Variants in DIAPH3 observed in about 807,000 individuals in gnomAD.
DIAPH3 encodes the protein diaphanous related formin 3.
Under a neutral mutation model 144.3 loss-of-function variants are expected in DIAPH3, and 117 were observed. The observed-to-expected ratio is 0.81, with a 90% CI of 0.70 to 0.95. DIAPH3 has a LOEUF of 0.95. DIAPH3 is among the 40% of genes least tolerant of loss of function. DIAPH3 has a pLI of 0.00. For missense variants in DIAPH3, 1,421 were observed against 1,412.7 expected (o/e 1.01, Z -0.09); for synonymous variants, 519 against 488.9 (o/e 1.06, Z -0.81).
chr13:60,029,570 G>A (rs944757302), intron 5 of DIAPH3, among the ~76,000 whole-genome samples: 1 of 152,124 alleles, frequency 6.6e-6, no homozygotes, highest in Non-Finnish European at 1.5e-5. Context: ...TTTATAAGGG[G>A]AATTTGGCAT....
At chr13:60,036,320 A>T (rs2055208911) in intron 5 of DIAPH3, among the ~76,000 whole-genome samples, 1 of 152,224 alleles carries the variant, frequency 6.6e-6, no homozygotes, top group Non-Finnish European at 1.5e-5. Context: ...AGCACTGTCT[A>T]ATAGAATTGC....
intron 25 of DIAPH3, among the ~76,000 whole-genome samples, chr13:59,802,211 C>T (rs1302372646): frequency 6.6e-6 from 1 of 152,094 alleles, no homozygotes; most frequent in Non-Finnish European, 1.5e-5. Context: ...ATAAGCTGGG[C>T]TAAAAGGATA....
At chr13:59,725,346 G>A (rs1329218522) in intron 27 of DIAPH3, among the ~76,000 whole-genome samples, 1 of 152,086 alleles carries the variant, frequency 6.6e-6, no homozygotes, top group Non-Finnish European at 1.5e-5. Context: ...TTATTATCAA[G>A]AAGAAATAAT....
chr13:59,900,491 T>C (rs2046368783), intron 20 of DIAPH3, among the ~76,000 whole-genome samples: 1 of 152,148 alleles, frequency 6.6e-6, no homozygotes, highest in Non-Finnish European at 1.5e-5. Flanking sequence ...GTGTTATATA[T>C]AAAATCACCT....
intron 27 of DIAPH3, among the ~76,000 whole-genome samples, chr13:59,761,007 C>T (rs891159891): frequency 6.6e-6 from 1 of 152,142 alleles, no homozygotes; most frequent in African/African-American, 2.4e-5. Flanking sequence ...AAGCCAAATG[C>T]TGTCACATCA....
At chr13:60,042,132 T>A (rs562538836) in intron 5 of DIAPH3, among the ~76,000 whole-genome samples, 2 of 152,154 alleles carry the variant, frequency 1.3e-5, no homozygotes, top group Non-Finnish European at 2.9e-5. Flanking sequence ...AACTGACTTA[T>A]GGAAACACCT....
At chr13:59,780,953 C>T (rs2038704202) in intron 25 of DIAPH3, among the ~76,000 whole-genome samples, 1 of 152,086 alleles carries the variant, frequency 6.6e-6, no homozygotes, top group African/African-American at 2.4e-5. Context: ...GTAAAAAATA[C>T]TCATTCAGCA....
At chr13:59,813,853 T>C (rs1294161541) in intron 24 of DIAPH3, among the ~76,000 whole-genome samples, 1 of 139,910 alleles carries the variant, frequency 7.1e-6, no homozygotes, top group Non-Finnish European at 1.5e-5. Flanking sequence ...AGCAAGACTT[T>C]GTCTCAAAAA....
In DIAPH3 at chr13:59,777,297, T is replaced by C. The variant is rs111668425; in HGVS notation, c.3164-2474A>G. Among the ~76,000 whole-genome samples the C allele has an allele frequency of 1.2e-3, 188 of 152,226 alleles. 1 individual carries two copies. Among genetic ancestry groups the C allele is most frequent in the African/African-American group, 4.4e-3 (182 of 41,550 alleles). ...CAACTGAGTATCAAATAAATAATCA[T>C]GGGAATGGGATTATTGCACACTGAG... On this transcript the variant is annotated intron_variant, in intron 25 of 27. Coordinates refer to ENST00000400324, the MANE Select transcript of DIAPH3 (RefSeq NM_001042517.2).
chr13:59,872,436 G>A (rs1338641604), intron 21 of DIAPH3, among the ~76,000 whole-genome samples: 1 of 152,098 alleles, frequency 6.6e-6, no homozygotes, highest in Non-Finnish European at 1.5e-5. Flanking sequence ...TCTGGTGGTG[G>A]TGGATTCTGT....
chr13:59,834,333 A>C (rs1268110058), intron 23 of DIAPH3, among the ~76,000 whole-genome samples: 2 of 151,798 alleles, frequency 1.3e-5, no homozygotes, highest in African/African-American at 4.8e-5. Context: ...GAACATAGTT[A>C]AATTTGCAGA....
At chr13:60,052,959 T>TAAAAAAAAAAAAAAAAAAAAAAAAAAA (rs559991017) in intron 4 of DIAPH3, among the ~76,000 whole-genome samples, 17 of 40,636 alleles carry the variant, frequency 4.2e-4, no homozygotes, top group African/African-American at 8.7e-4. Flanking sequence ...GACTCCCTCT[T>TAAAAAAAAAAAAAAAAAAAAAAAAAAA]AAAAAAAAAA....
chr13:59,900,724 T>C (rs1227078616), intron 20 of DIAPH3, among the ~76,000 whole-genome samples: 1 of 152,208 alleles, frequency 6.6e-6, no homozygotes, highest in African/African-American at 2.4e-5. Context: ...GTATGTGACC[T>C]GTATGCTATT....
At chr13:59,993,702 TAA>T (rs3078724) in intron 9 of DIAPH3, among the ~76,000 whole-genome samples, 58 of 73,872 alleles carry the variant, frequency 7.9e-4, no homozygotes, top group African/African-American at 3.2e-3. Flanking sequence ...GAAACATACT[TAA>T]AAAAAAAAAA....
At chr13:60,069,276 T>C (rs2057104455) in intron 4 of DIAPH3, among the ~76,000 whole-genome samples, 2 of 152,248 alleles carry the variant, frequency 1.3e-5, no homozygotes, top group South Asian at 4.1e-4. Context: ...ATTATTTGTA[T>C]GCCTTCTTTT....
intron 25 of DIAPH3, among the ~76,000 whole-genome samples, chr13:59,807,329 C>G (rs1457626515): frequency 1.3e-5 from 2 of 151,750 alleles, no homozygotes; most frequent in Non-Finnish European, 2.9e-5. Context: ...TATTTTAAAT[C>G]CCACAGTCTG....
intron 27 of DIAPH3, among the ~76,000 whole-genome samples, chr13:59,758,151 C>A (rs1593770136): frequency 6.6e-6 from 1 of 152,166 alleles, no homozygotes; most frequent in East Asian, 1.9e-4. Context: ...TGGAAAACTG[C>A]TGGACAGTAT....
intron 14 of DIAPH3, among the ~76,000 whole-genome samples, chr13:59,979,900 T>C (rs956256970): frequency 4.0e-5 from 6 of 151,746 alleles, no homozygotes; most frequent in Admixed American, 1.3e-4. Context: ...TCAAATCAGA[T>C]TGACTATTTA....
In DIAPH3 at chr13:59,970,031, A is replaced by T. The variant is rs968699200; in HGVS notation, c.1987T>A (p.Cys663Ser). ...KIRPHEMTEN[C>S]FWIKVNENKY... ...TTTTCATTTACTTTTATCCAGAAAC[A>T]GTTTTCAGTCATTTCATGAGGTCTG... Residue 663 changes from cysteine to serine, a missense_variant, in exon 17 of 28, where the codon TGT (cysteine) becomes AGT (serine). Coordinates refer to ENST00000400324, the MANE Select transcript of DIAPH3 (RefSeq NM_001042517.2). 1.2e-6 allele frequency: 2 copies of T among 1,605,548 alleles called. No individual in the cohort carries two copies. The highest frequency in any genetic ancestry group is 1.7e-6 in the Non-Finnish European group (2 of 1,174,434).
Sources: gnomAD v4.1 joint callset for allele counts (sites outside exome capture counted in the v4.1 genomes callset) on GRCh38, gnomAD v4.1.1 for gene constraint, MANE v1.5 for transcripts, NCBI Gene and HGNC (gene_info 2026-07-23, HGNC 2026-07-21) for gene names.